The following USP34 variants were observed in gnomAD, a reference collection of about 807,000 sequenced individuals.
The protein encoded by USP34 is ubiquitin specific peptidase 34.
In USP34, 70 loss-of-function variants were observed where a neutral mutation model predicts 460.3. The ratio of observed to expected loss-of-function variants is 0.15; its 90% CI spans 0.13 to 0.19. USP34 has a LOEUF of 0.19. Ranked by LOEUF, USP34 falls within the 10% of genes least tolerant of loss-of-function variation. USP34 has a pLI of 1.00. For synonymous variants in USP34, 1,647 were observed against 1,405.3 expected (o/e 1.17, Z -3.85); for missense variants, 3,985 against 4,236.2 (o/e 0.94, Z 1.65).
chr2:61,437,428 G>GA (rs1249840458), intron 1 of USP34, among the ~76,000 whole-genome samples: 11 of 152,074 alleles, frequency 7.2e-5, no homozygotes, highest in African/African-American at 2.7e-4. Context: ...AAACCTAGAG[G>GA]AAATGAACAA....
At chr2:61,448,815 G>C (rs1308369100) in intron 1 of USP34, among the ~76,000 whole-genome samples, 1 of 152,108 alleles carries the variant, frequency 6.6e-6, no homozygotes, top group South Asian at 2.1e-4. Context: ...GCATCAGAAA[G>C]AATAAGATTC....
chr2:61,188,748 G>C (rs202199016), intron 79 of USP34, 39 bp from the exon 80 acceptor site: 1 of 1,597,558 alleles, frequency 6.3e-7, no homozygotes, highest in Non-Finnish European at 8.5e-7. Flanking sequence ...TTCTCTGAAA[G>C]TCATTAAGAT....
chr2:61,259,886 GGCTATATAA>G (rs1428049587), intron 43 of USP34, 110 bp from the exon 44 acceptor site: 2 of 934,470 alleles, frequency 2.1e-6, no homozygotes, highest in Admixed American at 5.2e-5. Flanking sequence ...TCATTCTTTT[GGCTATATAA>G]AAGAAAAACA....
chr2:61,408,524 G>A (rs1693947189), intron 2 of USP34, among the ~76,000 whole-genome samples: 2 of 152,048 alleles, frequency 1.3e-5, no homozygotes, highest in Non-Finnish European at 2.9e-5. Context: ...CCCACAAGAA[G>A]AAAAATAAAC....
At chr2:61,355,646 A>C (rs1257340566) in intron 10 of USP34, among the ~76,000 whole-genome samples, 8 of 152,132 alleles carry the variant, frequency 5.3e-5, no homozygotes, top group East Asian at 1.9e-4. Flanking sequence ...AACAAACACA[A>C]ACCACCAAAA....
chr2:61,394,772 CCTT>C, intron 5 of USP34, 78 bp downstream of exon 5: 1 of 1,163,236 alleles, frequency 8.6e-7, no homozygotes, highest in Admixed American at 3.5e-5. Flanking sequence ...TCAAAACCTT[CCTT>C]TTCAGAGCAT....
intron 48 of USP34, among the ~76,000 whole-genome samples, chr2:61,249,509 AAC>A (rs946081881): frequency 3.3e-5 from 5 of 152,232 alleles, no homozygotes; most frequent in African/African-American, 1.2e-4. Context: ...GTCTGCAGGT[AAC>A]AAACTGCAGA....
At chr2:61,368,185 G>C (rs1240488404) in intron 10 of USP34, among the ~76,000 whole-genome samples, 2 of 152,168 alleles carry the variant, frequency 1.3e-5, no homozygotes, top group Non-Finnish European at 2.9e-5. Flanking sequence ...TGTAATACCA[G>C]CACTTTGTGA....
At chr2:61,350,831 T>C in intron 10 of USP34, 138 bp from the exon 11 acceptor site, 2 of 800,460 alleles carry the variant, frequency 2.5e-6, no homozygotes, top group South Asian at 4.3e-5. Flanking sequence ...ATGCTAATTA[T>C]CTAAGATGAT....
At chr2:61,341,044 C>G (rs1184133649) in intron 16 of USP34, among the ~76,000 whole-genome samples, 1 of 152,140 alleles carries the variant, frequency 6.6e-6, no homozygotes, top group Non-Finnish European at 1.5e-5. Flanking sequence ...TCTTTCCTTA[C>G]AAATTACTTT....
At chr2:61,271,764 T>C (rs910147380) in intron 41 of USP34, among the ~76,000 whole-genome samples, 5 of 152,294 alleles carry the variant, frequency 3.3e-5, no homozygotes, top group African/African-American at 9.6e-5. Context: ...CAGATTATTA[T>C]GCAGCTGCAA....
intron 18 of USP34, among the ~76,000 whole-genome samples, chr2:61,337,268 T>C (rs1381591698): frequency 2.6e-5 from 4 of 152,212 alleles, no homozygotes; most frequent in Non-Finnish European, 5.9e-5. Flanking sequence ...ATAATGTTTT[T>C]GTGTCTGGCT....
At position 61,350,706 on chromosome 2, in the gene USP34, G is replaced by A. The variant is rs748428245; in HGVS notation, c.1252-13C>T. The A allele has an allele frequency of 7.5e-6, 12 of 1,604,220 alleles. No individual in the cohort carries two copies. Among genetic ancestry groups the A allele is most frequent in the South Asian group, 3.4e-5 (3 of 88,360 alleles). On this transcript the variant is annotated splice_polypyrimidine_tract_variant and intron_variant, in intron 10 of 79. Transcript: ENST00000398571. ...TACAATGTTTCAACTAGAAAATCAA[G>A]TTAGAGAGAATGGTCAAAAATAATT...
chr2:61,345,952 T>C (rs749524202), intron 15 of USP34, among the ~76,000 whole-genome samples: 3 of 152,174 alleles, frequency 2.0e-5, no homozygotes, highest in Non-Finnish European at 4.4e-5. Flanking sequence ...GAAAAATTAA[T>C]TATTTTGCCC....
At chr2:61,215,228 A>AT (rs1687363785) in intron 67 of USP34, among the ~76,000 whole-genome samples, 1 of 152,248 alleles carries the variant, frequency 6.6e-6, no homozygotes, top group Non-Finnish European at 1.5e-5. Flanking sequence ...ATATATGCTA[A>AT]TTATAGAACA....
In USP34 at chr2:61,236,221, C is replaced by G; in HGVS notation, c.6858G>C (p.Leu2286Phe). The change falls in exon 55 of 80, where the codon TTG becomes TTC. Residue 2286 changes from leucine (L) to phenylalanine (F), a missense_variant. Around this residue, in one of 14 missense-constraint regions of USP34, gnomAD observed 604 missense variants for 684.8 expected, o/e 0.88. Transcript: ENST00000398571. ...EHTYFGFMWQ[L>F]CSCIPSTLPD... Reference sequence around the variant, plus strand: ...GTAATGTACTGGGAATACAACTACACAATTGCCACATAAATCTAGAATTTA... The same window carrying G: ...GTAATGTACTGGGAATACAACTACAGAATTGCCACATAAATCTAGAATTTA... 6.2e-7 allele frequency: 1 copy of G among 1,610,528 alleles called. No homozygotes were observed. Among genetic ancestry groups the G allele is most frequent in the Non-Finnish European group, 8.5e-7 (1 of 1,178,692 alleles).
Position 61,188,726 on chromosome 2 carries a change from C to G in USP34, c.10034-17G>C. The stretch of plus-strand genomic sequence containing the variant: ...CTTCATCATCTGTGAAAACACATGC[C>G]AAAAGGGAAACTTCTCTGAAAGTCA... On this transcript the variant is annotated splice_polypyrimidine_tract_variant and intron_variant, in intron 79 of 79. Coordinates refer to ENST00000398571, the MANE Select transcript of USP34 (RefSeq NM_014709.4). 1.9e-6 allele frequency: 3 copies of G among 1,603,934 alleles called. No homozygotes were observed. The highest frequency in any genetic ancestry group is 2.6e-6 in the Non-Finnish European group (3 of 1,175,716).
intron 1 of USP34, among the ~76,000 whole-genome samples, chr2:61,423,047 A>G (rs1463342565): frequency 6.6e-6 from 1 of 152,174 alleles, no homozygotes; most frequent in Non-Finnish European, 1.5e-5. Flanking sequence ...ACAAACAAAA[A>G]ATAAGTGAAT....
chr2:61,321,964 C>T (rs1558528927), intron 21 of USP34, among the ~76,000 whole-genome samples: 1 of 152,206 alleles, frequency 6.6e-6, no homozygotes, highest in Non-Finnish European at 1.5e-5. Context: ...CACGGTGGCT[C>T]ACACCTGTAA....
Sources: allele counts gnomAD v4.1 joint callset (sites outside exome capture counted in the v4.1 genomes callset), GRCh38; gene constraint gnomAD v4.1.1; regional missense constraint gnomAD v4.1.1; transcripts MANE v1.5; gene names NCBI Gene and HGNC (gene_info 2026-07-23, HGNC 2026-07-21).